The following NOVA1 variants were observed in gnomAD, a reference collection of about 807,000 sequenced individuals.
The protein encoded by NOVA1 is RNA-binding protein Nova-1.
NOVA1 carries 7 observed loss-of-function variants against 38.0 expected under a neutral mutation model. That is an observed-to-expected ratio of 0.18 (90% confidence interval 0.10 to 0.35). The LOEUF (loss-of-function observed/expected upper bound fraction) is 0.35, where lower values mean the gene tolerates loss of function less well. Ranked by LOEUF, NOVA1 falls within the 10% of genes least tolerant of loss-of-function variation. The pLI, the probability that NOVA1 is intolerant of heterozygous loss-of-function variation, is 1.00. For missense variants in NOVA1, 460 were observed against 616.0 expected (o/e 0.75, Z 2.68); for synonymous variants, 270 against 232.5 (o/e 1.16, Z -1.47).
chr14:26,484,196 AG>A (rs1229931803), intron 2 of NOVA1, among the ~76,000 whole-genome samples: 1 of 151,992 alleles, frequency 6.6e-6, no homozygotes, highest in Non-Finnish European at 1.5e-5. Flanking sequence ...GCACTTTGGG[AG>A]ACCGAGGCAG....
chr14:26,594,177 G>A (rs1203010681), intron 2 of NOVA1: 2 of 151,870 alleles, frequency 1.3e-5, no homozygotes, highest in African/African-American at 2.4e-5. Flanking sequence ...GAGGAACATC[G>A]TGTCTAATAT....
At chr14:26,537,218 A>G (rs1266789900) in intron 2 of NOVA1, among the ~76,000 whole-genome samples, 2 of 152,026 alleles carry the variant, frequency 1.3e-5, no homozygotes, top group Admixed American at 6.6e-5. Flanking sequence ...ATGCTTGTGA[A>G]AAATGAAGGG....
At chr14:26,525,264 A>G (rs1389809812) in intron 2 of NOVA1, among the ~76,000 whole-genome samples, 2 of 152,144 alleles carry the variant, frequency 1.3e-5, no homozygotes, top group Non-Finnish European at 2.9e-5. Context: ...GCTGCAAACA[A>G]TAAAACAGAT....
At chr14:26,545,830 C>A (rs1321003342) in intron 2 of NOVA1, among the ~76,000 whole-genome samples, 1 of 151,964 alleles carries the variant, frequency 6.6e-6, no homozygotes, top group African/African-American at 2.4e-5. Context: ...CACATATATA[C>A]ACACACACAT....
At chr14:26,576,695 A>T (rs1892867665) in intron 2 of NOVA1, among the ~76,000 whole-genome samples, 1 of 151,616 alleles carries the variant, frequency 6.6e-6, no homozygotes, top group Admixed American at 6.6e-5. Flanking sequence ...ATTTTTATAT[A>T]ATCTAATGAA....
intron 2 of NOVA1, among the ~76,000 whole-genome samples, chr14:26,553,823 G>C (rs1329712718): frequency 6.6e-6 from 1 of 151,928 alleles, no homozygotes; most frequent in African/African-American, 2.4e-5. Context: ...TACCTCATCA[G>C]AGAGCTAGTA....
At chr14:26,482,686 AT>A (rs1170533645) in intron 2 of NOVA1, among the ~76,000 whole-genome samples, 1 of 152,144 alleles carries the variant, frequency 6.6e-6, no homozygotes, top group African/African-American at 2.4e-5. Context: ...ATAGAGGTAT[AT>A]AAGATACCAT....
At chr14:26,496,289 T>C (rs1486574994) in intron 2 of NOVA1, among the ~76,000 whole-genome samples, 1 of 152,248 alleles carries the variant, frequency 6.6e-6, no homozygotes, top group Admixed American at 6.5e-5. Context: ...GCTGCATAAA[T>C]GTCTTCTTTT....
At chr14:26,483,861 G>T (rs1345388780) in intron 2 of NOVA1, among the ~76,000 whole-genome samples, 1 of 152,134 alleles carries the variant, frequency 6.6e-6, no homozygotes, top group African/African-American at 2.4e-5. Context: ...GGCAGAATTT[G>T]GTTGGGTCCC....
intron 2 of NOVA1, among the ~76,000 whole-genome samples, chr14:26,577,715 G>C (rs2138750554): frequency 6.6e-6 from 1 of 152,256 alleles, no homozygotes; most frequent in Non-Finnish European, 1.5e-5. Flanking sequence ...CTGAAAAGAT[G>C]AAGCTGCAAT....
At chr14:26,519,448 T>A (rs1441752527) in intron 2 of NOVA1, 1 of 152,116 alleles carries the variant, frequency 6.6e-6, no homozygotes, top group Non-Finnish European at 1.5e-5. Flanking sequence ...TAGGGCCAGA[T>A]TATAAAGGGC....
At position 26,597,545 on chromosome 14, in the gene NOVA1, T is replaced by G; in HGVS notation, c.-109A>C. ...TTTTTTTTTTGCGTTTGGGGTTTCT[T>G]AAGGTTTTTTTTTTTTAATCGGATC... On this transcript the variant is annotated 5_prime_UTR_variant, in exon 1 of 5. Coordinates refer to ENST00000539517, the MANE Select transcript of NOVA1 (RefSeq NM_002515.3). 1.7e-6 allele frequency: 2 copies of G among 1,165,504 alleles called. No individual in the cohort carries two copies. Among genetic ancestry groups the G allele is most frequent in the Non-Finnish European group, 2.1e-6 (2 of 943,768 alleles). The allele number at this position is 1,165,504 out of a possible 1,614,324, so 72.2% of individuals were successfully genotyped here.
intron 2 of NOVA1, among the ~76,000 whole-genome samples, chr14:26,548,803 T>C (rs1202124394): frequency 9.4e-6 from 1 of 106,242 alleles, no homozygotes; most frequent in East Asian, 2.6e-4. Context: ...TTTCCCCAAA[T>C]GTTAAAGAAA....
At chr14:26,511,563 C>A (rs558432512) in intron 2 of NOVA1, among the ~76,000 whole-genome samples, 35 of 151,898 alleles carry the variant, frequency 2.3e-4, no homozygotes, top group Non-Finnish European at 4.3e-4. Context: ...GTCATCCTGG[C>A]CAACATGGTG....
chr14:26,529,213 C>T (rs187627793), intron 2 of NOVA1, among the ~76,000 whole-genome samples: 1 of 151,750 alleles, frequency 6.6e-6, no homozygotes, highest in East Asian at 1.9e-4. Context: ...TCTCGGCTCA[C>T]AGCAACTTCC....
chr14:26,488,040 C>A (rs1566470118), intron 2 of NOVA1, among the ~76,000 whole-genome samples: 2 of 151,986 alleles, frequency 1.3e-5, no homozygotes, highest in African/African-American at 2.4e-5. Context: ...TACACTATTT[C>A]AAGAAAAGGT....
At chr14:26,543,422 G>T (rs866932332) in intron 2 of NOVA1, among the ~76,000 whole-genome samples, 1 of 151,874 alleles carries the variant, frequency 6.6e-6, no homozygotes, top group Non-Finnish European at 1.5e-5. Context: ...GTAAGTCAGT[G>T]GCTGTCTCAA....
In NOVA1 at chr14:26,447,008, A is replaced by T. The variant is rs1265351339; in HGVS notation, c.*951T>A. The T allele has an allele frequency of 6.5e-6, 1 of 152,674 alleles. No individual in the cohort carries two copies. The highest frequency in any genetic ancestry group is 1.5e-5 in the Non-Finnish European group (1 of 68,044). The allele number at this position is 152,674 out of a possible 1,614,324, so 9.5% of individuals were successfully genotyped here. A position where few individuals can be genotyped will look rare whatever the true frequency, so the allele number is the denominator to read the frequency against. On this transcript the variant is annotated 3_prime_UTR_variant, in exon 5 of 5. Transcript: ENST00000539517. ...TACTAATAGGTTTCTAGTGTTAACA[A>T]ATTATACACAATTATAAGCTCTTAA...
At chr14:26,527,320 T>G (rs960357752) in intron 2 of NOVA1, among the ~76,000 whole-genome samples, 2 of 152,080 alleles carry the variant, frequency 1.3e-5, no homozygotes, top group Non-Finnish European at 2.9e-5. Flanking sequence ...AAGTCTCACA[T>G]TTCTTGTTCA....
Sources: gnomAD v4.1 joint callset for allele counts (sites outside exome capture counted in the v4.1 genomes callset) on GRCh38, gnomAD v4.1.1 for gene constraint, MANE v1.5 for transcripts, NCBI Gene and HGNC (gene_info 2026-07-23, HGNC 2026-07-21) for gene names.